KCNK12: variants seen among roughly 807,000 people sequenced by gnomAD.
KCNK12 encodes the protein potassium channel subfamily K member 12.
Under a neutral mutation model 25.3 loss-of-function variants are expected in KCNK12, and 6 were observed. That is an observed-to-expected ratio of 0.24 (90% CI 0.13 to 0.47). The LOEUF (loss-of-function observed/expected upper bound fraction) is 0.47, where lower values mean the gene tolerates loss of function less well. Ranked by LOEUF, KCNK12 falls within the 20% of genes least tolerant of loss-of-function variation. The probability of loss-of-function intolerance (pLI) is 0.99; values close to 1 mark genes in which losing one functional copy is unlikely to be tolerated. For missense variants in KCNK12, 444 were observed against 661.7 expected (o/e 0.67, Z 3.61); for synonymous variants, 331 against 311.1 (o/e 1.06, Z -0.67).
chr2:47,538,653 C>T lies in KCNK12; in HGVS notation c.392-16845G>A, dbSNP rs1361144762. Among the ~76,000 whole-genome samples, 2 of 152,132 alleles carry T rather than the reference C, an allele frequency of 1.3e-5. No individual in the cohort carries two copies. Among genetic ancestry groups the T allele is most frequent in the African/African-American group, 4.8e-5 (2 of 41,428 alleles). On this transcript the variant is annotated intron_variant, in intron 1 of 1. Coordinates refer to ENST00000327876, the MANE Select transcript of KCNK12 (RefSeq NM_022055.2). This position sits in a 1 kb window ranked among gnomAD's most constrained non-coding sequence, Gnocchi z 4.5. ...AGGCATGGTGGTGCATGCCTGTAAT[C>T]CCAGTTACTTGGAAGGCTGAGGCAG...
chr2:47,522,495 TG>T (rs1172316337), intron 1 of KCNK12, among the ~76,000 whole-genome samples: 1 of 152,184 alleles, frequency 6.6e-6, no homozygotes, highest in Non-Finnish European at 1.5e-5. Context: ...TTTTCTTTTT[TG>T]GGGGGATAGG....
In KCNK12 at chr2:47,521,024, C is replaced by T; in HGVS notation, c.1176G>A (p.Thr392=). The T allele has an allele frequency of 2.1e-6, 3 of 1,398,770 alleles. No homozygotes were observed. Among genetic ancestry groups the T allele is most frequent in the Non-Finnish European group, 2.8e-6 (3 of 1,072,836 alleles). 86.6% of individuals were successfully genotyped at this position (1,398,770 alleles called of 1,614,324 possible). Residue 392 remains threonine (T), a synonymous_variant, in exon 2 of 2, where the codon ACG becomes ACA. Transcript: ENST00000327876. ...ACACGCTGCGCGGGTAGCCGTTGGCCGTCTCCGACAGCTGCTTCTGCAGCA... is the reference window on the plus strand; with the variant it reads ...ACACGCTGCGCGGGTAGCCGTTGGCTGTCTCCGACAGCTGCTTCTGCAGCA... ...LALLQKQLSE[T]ANGYPRSVCV... is the part of the protein sequence containing the mutation.
At chr2:47,558,878 T>A (rs1241313031) in intron 1 of KCNK12, among the ~76,000 whole-genome samples, 1 of 152,206 alleles carries the variant, frequency 6.6e-6, no homozygotes, top group East Asian at 1.9e-4. Context: ...CATTACTGAT[T>A]AAACTTCCGT....
At chr2:47,526,252 A>G (rs1668769508) in intron 1 of KCNK12, among the ~76,000 whole-genome samples, 1 of 151,334 alleles carries the variant, frequency 6.6e-6, no homozygotes, top group African/African-American at 2.4e-5. Flanking sequence ...AAAAAAAAAA[A>G]AAAATTAGCC....
At chr2:47,561,877 G>A (rs1321739189) in intron 1 of KCNK12, among the ~76,000 whole-genome samples, 2 of 152,210 alleles carry the variant, frequency 1.3e-5, no homozygotes, top group Non-Finnish European at 2.9e-5. Flanking sequence ...AACTATACTG[G>A]AAGGAAGGAT....
At chr2:47,553,034 C>G (rs1023525999) in intron 1 of KCNK12, among the ~76,000 whole-genome samples, 1 of 152,182 alleles carries the variant, frequency 6.6e-6, no homozygotes, top group Non-Finnish European at 1.5e-5. Context: ...CCCCTCTACC[C>G]AATTCATCCT....
rs1669583502 is a variant in KCNK12, at chr2:47,557,949, TG to T, written c.391+11991del. On this transcript the variant is annotated intron_variant, in intron 1 of 1. Coordinates refer to ENST00000327876, the MANE Select transcript of KCNK12 (RefSeq NM_022055.2). This position sits in a 1 kb window ranked among gnomAD's most constrained non-coding sequence, Gnocchi z 4.9. Reference sequence around the variant, plus strand: ...AAGTTACATCTCTCTTTAAATATAATGGGGTATGTTGCTGCTTACAGGAGCT... The same window carrying T: ...AAGTTACATCTCTCTTTAAATATAATGGGTATGTTGCTGCTTACAGGAGCT... Among the ~76,000 whole-genome samples, 2 of 152,178 alleles carry T rather than the reference TG, an allele frequency of 1.3e-5. No individual in the cohort carries two copies. The highest frequency in any genetic ancestry group is 1.3e-4 in the Admixed American group (2 of 15,286).
rs1669532878 is a variant in KCNK12, at chr2:47,555,418, GTCAC to G, written c.391+14519_391+14522del. On this transcript the variant is annotated intron_variant, in intron 1 of 1. Coordinates refer to ENST00000327876, the MANE Select transcript of KCNK12 (RefSeq NM_022055.2). This position sits in a 1 kb window ranked among gnomAD's most constrained non-coding sequence, Gnocchi z 4.5. ...ACTCTTAATCACTGGGGACCCCACT[GTCAC>G]TCTAGAGATTTTACAAGATTGAGTC... Among the ~76,000 whole-genome samples, 1 of 152,166 alleles carries G rather than the reference GTCAC, an allele frequency of 6.6e-6. No individual in the cohort carries two copies. The highest frequency in any genetic ancestry group is 2.1e-4 in the South Asian group (1 of 4,824).
chr2:47,511,640 A>T lies in KCNK12; in HGVS notation c.*9267T>A, dbSNP rs1169728117. Reference sequence around the variant, plus strand: ...GTGAACAGCAGGTGGGGGTCTTTCCATAGGGGATGAGGAAGACAAGGCCAC... The same window carrying T: ...GTGAACAGCAGGTGGGGGTCTTTCCTTAGGGGATGAGGAAGACAAGGCCAC... On this transcript the variant is annotated 3_prime_UTR_variant, in exon 2 of 2. Transcript: ENST00000327876. The surrounding 1 kb of genome is among the most constrained non-coding windows in gnomAD (Gnocchi z 4.3). 6.6e-6 allele frequency among the ~76,000 whole-genome samples: 1 copy of T among 152,182 alleles called. No homozygotes were observed. The highest frequency in any genetic ancestry group is 1.5e-5 in the Non-Finnish European group (1 of 68,032).
At position 47,521,661 on chromosome 2, in the gene KCNK12, C is replaced by T; in HGVS notation, c.539G>A (p.Arg180Gln). 1 of 1,595,568 alleles carries T rather than the reference C, an allele frequency of 6.3e-7. No individual in the cohort carries two copies. The highest frequency in any genetic ancestry group is 8.5e-7 in the Non-Finnish European group (1 of 1,173,484). ...SLLAFIMRAC[R>Q]ERQLRRSGLL... Reference sequence around the variant, plus strand: ...GCCGCTGCGGCGCAGCTGGCGCTCCCGGCAGGCGCGCATGATGAAGGCCAG... The same window carrying T: ...GCCGCTGCGGCGCAGCTGGCGCTCCTGGCAGGCGCGCATGATGAAGGCCAG... The change falls in exon 2 of 2, where the codon CGG (arginine) becomes CAG (glutamine). Residue 180 changes from arginine to glutamine, a missense_variant. Coordinates refer to ENST00000327876, the MANE Select transcript of KCNK12 (RefSeq NM_022055.2).
In KCNK12 at chr2:47,562,107, C is replaced by T; in HGVS notation, c.391+7834G>A. 2 of 398,646 alleles carry T rather than the reference C, an allele frequency of 5.0e-6. No homozygotes were observed. Among genetic ancestry groups the T allele is most frequent in the Non-Finnish European group, 8.8e-6 (2 of 226,086 alleles). 24.7% of individuals were successfully genotyped at this position (398,646 alleles called of 1,614,324 possible). ...ACCCTAGCGACTCCAAGTGCATCAG[C>T]ATAGGCATTGCCAGGAGCTCATGAG... On this transcript the variant is annotated intron_variant, in intron 1 of 1. Transcript: ENST00000327876. The surrounding 1 kb of genome is among the most constrained non-coding windows in gnomAD (Gnocchi z 4.8).
Position 47,560,657 on chromosome 2 carries a change from G to A in KCNK12, c.391+9284C>T, listed in dbSNP as rs1648302245. On this transcript the variant is annotated intron_variant, in intron 1 of 1. Transcript: ENST00000327876. This position sits in a 1 kb window ranked among gnomAD's most constrained non-coding sequence, Gnocchi z 4.7. The stretch of plus-strand genomic sequence containing the variant: ...CTCTGAGCCTGTCATCTGTGAAATG[G>A]GATATAATTTTCTTTGCTGTCCTAG... Among the ~76,000 whole-genome samples the A allele has an allele frequency of 6.6e-6, 1 of 152,222 alleles. No individual in the cohort carries two copies. The highest frequency in any genetic ancestry group is 2.4e-5 in the African/African-American group (1 of 41,450).
At position 47,520,793 on chromosome 2, in the gene KCNK12, G is replaced by C. The variant is rs1168391399; in HGVS notation, c.*114C>G. On this transcript the variant is annotated 3_prime_UTR_variant, in exon 2 of 2. Transcript: ENST00000327876. The surrounding 1 kb of genome is among the most constrained non-coding windows in gnomAD (Gnocchi z 5.0). Reference sequence around the variant, plus strand: ...GTATTTCTTTAAAAAAATTTTTTTTGTTTCATTTTATTGGATAAAGATTAA... The same window carrying C: ...GTATTTCTTTAAAAAAATTTTTTTTCTTTCATTTTATTGGATAAAGATTAA... 5 of 821,756 alleles carry C rather than the reference G, an allele frequency of 6.1e-6. No individual in the cohort carries two copies. The highest frequency in any genetic ancestry group is 8.1e-6 in the Non-Finnish European group (5 of 613,934). The allele number at this position is 821,756 out of a possible 1,614,324, so 50.9% of individuals were successfully genotyped here.
At chr2:47,527,805 G>C (rs1026339365) in intron 1 of KCNK12, 2 of 152,296 alleles carry the variant, frequency 1.3e-5, no homozygotes, top group African/African-American at 4.8e-5. Flanking sequence ...CATGAAGCTG[G>C]TAAGACCAAC....
chr2:47,568,928 G>A (rs1036954641), intron 1 of KCNK12, among the ~76,000 whole-genome samples: 5 of 152,104 alleles, frequency 3.3e-5, no homozygotes, highest in African/African-American at 4.8e-5. Context: ...ACCGAGGGTG[G>A]GGGCTTTGTT....
At chr2:47,536,480 T>C (rs1018211271) in intron 1 of KCNK12, among the ~76,000 whole-genome samples, 2 of 152,234 alleles carry the variant, frequency 1.3e-5, no homozygotes, top group African/African-American at 4.8e-5. Context: ...GCAGACACTG[T>C]ACCAGAAACA....
chr2:47,539,475 GGCCCA>G (rs1669146788), intron 1 of KCNK12, among the ~76,000 whole-genome samples: 2 of 152,230 alleles, frequency 1.3e-5, no homozygotes, highest in Middle Eastern at 3.4e-3. Flanking sequence ...CAGGTGGGGT[GGCCCA>G]GACCAGGAGA....
At chr2:47,534,515 A>ACCCCCCCCCCCCCCC (rs34901455) in intron 1 of KCNK12, among the ~76,000 whole-genome samples, 2 of 48,162 alleles carry the variant, frequency 4.2e-5, no homozygotes, top group African/African-American at 1.9e-4. Flanking sequence ...GCCCCTTCTA[A>ACCCCCCCCCCCCCCC]CCCCCCCCCC....
At chr2:47,527,802 C>G (rs1375975300) in intron 1 of KCNK12, 1 of 152,322 alleles carries the variant, frequency 6.6e-6, no homozygotes, top group East Asian at 1.9e-4. Flanking sequence ...AGACATGAAG[C>G]TGGTAAGACC....
Sources: gnomAD v4.1 joint callset for allele counts (sites outside exome capture counted in the v4.1 genomes callset) on GRCh38, gnomAD v4.1.1 for gene constraint, Gnocchi (gnomAD v3.1) non-coding constraint, MANE v1.5 for transcripts, NCBI Gene and HGNC (gene_info 2026-07-23, HGNC 2026-07-21) for gene names.